UNC5B: variants seen among roughly 807,000 people sequenced by gnomAD.
UNC5B encodes the protein netrin receptor UNC5B.
UNC5B carries 56 observed loss-of-function variants against 103.7 expected under a neutral mutation model. The ratio of observed to expected loss-of-function variants is 0.54; its 90% CI spans 0.44 to 0.67. The LOEUF (loss-of-function observed/expected upper bound fraction) is 0.67, where lower values mean the gene tolerates loss of function less well. Ranked by LOEUF, UNC5B falls within the 30% of genes least tolerant of loss-of-function variation. The probability of loss-of-function intolerance (pLI) is 0.00; values close to 1 mark genes in which losing one functional copy is unlikely to be tolerated. For synonymous variants in UNC5B, 577 were observed against 542.0 expected (o/e 1.06, Z -0.90); for missense variants, 1,194 against 1,284.5 (o/e 0.93, Z 1.08).
chr10:71,265,116 G>T (rs1158374990), intron 1 of UNC5B, among the ~76,000 whole-genome samples: 1 of 152,136 alleles, frequency 6.6e-6, no homozygotes, highest in Non-Finnish European at 1.5e-5. Flanking sequence ...ATACCTACCA[G>T]AAAGAGTTGC....
intron 1 of UNC5B, among the ~76,000 whole-genome samples, chr10:71,273,213 T>G (rs551425457): frequency 3.2e-4 from 49 of 152,366 alleles, no homozygotes; most frequent in Middle Eastern, 3.4e-3. Context: ...AGAAAGATAT[T>G]TGCATCTGTT....
At chr10:71,286,646 C>T (rs1433018060) in intron 4 of UNC5B, 43 bp from the exon 5 acceptor site, 10 of 1,608,776 alleles carry the variant, frequency 6.2e-6, no homozygotes, top group Non-Finnish European at 3.4e-6. Context: ...TATGATCAAA[C>T]CTGTCCTGGG....
chr10:71,216,409 G>A (rs949250885), intron 1 of UNC5B, among the ~76,000 whole-genome samples: 3 of 152,350 alleles, frequency 2.0e-5, no homozygotes, highest in African/African-American at 4.8e-5. Flanking sequence ...ACAGGGCAGA[G>A]CCAAAGGTCA....
intron 7 of UNC5B, 100 bp from the exon 8 acceptor site, chr10:71,288,858 C>A: frequency 2.6e-6 from 4 of 1,564,214 alleles, no homozygotes; most frequent in East Asian, 2.3e-5. Flanking sequence ...CTCTGTCCCC[C>A]CACCACATCC....
At chr10:71,220,135 A>G (rs752420567) in intron 1 of UNC5B, among the ~76,000 whole-genome samples, 3 of 152,000 alleles carry the variant, frequency 2.0e-5, no homozygotes, top group Non-Finnish European at 2.9e-5. Context: ...TGGGTCACGA[A>G]CCCTCTCAGC....
chr10:71,241,972 G>A (rs904093878), intron 1 of UNC5B, among the ~76,000 whole-genome samples: 5 of 152,152 alleles, frequency 3.3e-5, no homozygotes, highest in Non-Finnish European at 5.9e-5. Flanking sequence ...GGTGAGACTT[G>A]CCTAGCAGTC....
intron 13 of UNC5B, among the ~76,000 whole-genome samples, 190 bp from the exon 14 acceptor site, chr10:71,295,621 A>G (rs972748149): frequency 6.6e-6 from 1 of 152,132 alleles, no homozygotes; most frequent in Non-Finnish European, 1.5e-5. Context: ...TCATCTAGTC[A>G]TCTTTCCCAC....
In UNC5B at chr10:71,271,398, C is replaced by T. The variant is rs145742851; in HGVS notation, c.80-8423C>T. 3.3e-5 allele frequency among the ~76,000 whole-genome samples: 5 copies of T among 152,328 alleles called. No homozygotes were observed. The East Asian group carries it at 9.6e-4, about 29-fold the overall frequency. On this transcript the variant is annotated intron_variant, in intron 1 of 16. Transcript: ENST00000335350. ...GCATGGATGAAAGGGCTTTGAGCTC[C>T]TTGTCTGGGAGAAGAAGGGGAAACA...
intron 1 of UNC5B, among the ~76,000 whole-genome samples, chr10:71,250,101 G>A (rs1844138980): frequency 6.6e-6 from 1 of 152,220 alleles, no homozygotes; most frequent in Non-Finnish European, 1.5e-5. Context: ...GAGGTGCTGG[G>A]AGCCCATGGC....
chr10:71,275,149 T>A (rs1844739143), intron 1 of UNC5B, among the ~76,000 whole-genome samples: 1 of 152,234 alleles, frequency 6.6e-6, no homozygotes, highest in African/African-American at 2.4e-5. Flanking sequence ...TGTGCAGGGA[T>A]GTGTCTTCTT....
intron 10 of UNC5B, 141 bp from the exon 11 acceptor site, chr10:71,292,326 G>A: frequency 1.4e-6 from 1 of 704,420 alleles, no homozygotes. Flanking sequence ...CCAGTCCCCA[G>A]ACCCTGTCTC....
Position 71,284,703 on chromosome 10 carries a change from C to G in UNC5B, c.305-17C>G, listed in dbSNP as rs768504690. 3.1e-6 allele frequency: 5 copies of G among 1,612,820 alleles called. No homozygotes were observed. The East Asian group carries it at 6.7e-5, about 22-fold the overall frequency. On this transcript the variant is annotated splice_polypyrimidine_tract_variant and intron_variant, in intron 2 of 16. Transcript: ENST00000335350. ...GCTTTGCCCCTGCCCCCTGACGGCT[C>G]TCTCTTCTCCTCCCAGGCCTGCGGG...
chr10:71,253,819 G>C (rs1844230318), intron 1 of UNC5B, among the ~76,000 whole-genome samples: 2 of 152,154 alleles, frequency 1.3e-5, no homozygotes, highest in Non-Finnish European at 2.9e-5. Context: ...GGGTCCGCAG[G>C]ACACTAGGAA....
intron 1 of UNC5B, among the ~76,000 whole-genome samples, chr10:71,279,086 C>T (rs1844847038): frequency 6.6e-6 from 1 of 152,220 alleles, no homozygotes; most frequent in Non-Finnish European, 1.5e-5. Flanking sequence ...CCCATCTGCT[C>T]TGAAGTCTCC....
rs1843256494 is a variant in UNC5B, at chr10:71,212,924, G to A, written c.-62G>A. On this transcript the variant is annotated 5_prime_UTR_variant, in exon 1 of 17. Transcript: ENST00000335350. ...AGGCGGCGGCGGCGGAGACGGCGGC[G>A]GCGAGACTGGGGCCAGGGAGACAGC... The A allele has an allele frequency of 8.2e-7, 1 of 1,218,606 alleles. No homozygotes were observed. The highest frequency in any genetic ancestry group is 1.0e-6 in the Non-Finnish European group (1 of 969,796). The allele number at this position is 1,218,606 out of a possible 1,614,324, so 75.5% of individuals were successfully genotyped here. A position where few individuals can be genotyped will look rare whatever the true frequency, so the allele number is the denominator to read the frequency against.
intron 1 of UNC5B, among the ~76,000 whole-genome samples, chr10:71,234,730 C>T (rs1843742780): frequency 6.6e-6 from 1 of 152,208 alleles, no homozygotes; most frequent in Non-Finnish European, 1.5e-5. Context: ...GAATACTTGG[C>T]CAGAGTCTTG....
Position 71,213,854 on chromosome 10 carries a change from G to T in UNC5B, c.79+790G>T, listed in dbSNP as rs1224959139. On this transcript the variant is annotated intron_variant, in intron 1 of 16. Transcript: ENST00000335350. The surrounding 1 kb of genome is among the most constrained non-coding windows in gnomAD (Gnocchi z 4.1). ...GCTGTCCGGGGAACAGACTAGGTGC[G>T]CTCTCCTTGGTACAGCGCCCGCTCT... Among the ~76,000 whole-genome samples, 2 of 151,532 alleles carry T rather than the reference G, an allele frequency of 1.3e-5. No homozygotes were observed. The highest frequency in any genetic ancestry group is 4.9e-5 in the African/African-American group (2 of 41,166).
chr10:71,286,674 C>T lies in UNC5B; in HGVS notation c.553-15C>T. On this transcript the variant is annotated splice_polypyrimidine_tract_variant and intron_variant, in intron 4 of 16. Coordinates refer to ENST00000335350, the MANE Select transcript of UNC5B (RefSeq NM_170744.5). ...GTCCTGGGCCCTCACTGCCCCCTCA[C>T]CCCCACTCTTGCAGGTGGAATGGCT... The T allele has an allele frequency of 6.2e-7, 1 of 1,613,730 alleles. No individual in the cohort carries two copies. The highest frequency in any genetic ancestry group is 8.5e-7 in the Non-Finnish European group (1 of 1,179,756).
chr10:71,216,981 C>A (rs1230690684), intron 1 of UNC5B, among the ~76,000 whole-genome samples: 4 of 152,246 alleles, frequency 2.6e-5, no homozygotes, highest in Non-Finnish European at 4.4e-5. Context: ...CCACTGCCGC[C>A]TTCAGGAAAG....
Sources: gnomAD v4.1 joint callset for allele counts (sites outside exome capture counted in the v4.1 genomes callset) on GRCh38, gnomAD v4.1.1 for gene constraint, Gnocchi (gnomAD v3.1) non-coding constraint, MANE v1.5 for transcripts, NCBI Gene and HGNC (gene_info 2026-07-23, HGNC 2026-07-21) for gene names.